Variants in DNAH14 observed in about 807,000 individuals in gnomAD.
The protein encoded by DNAH14 is axonemal beta dynein heavy chain 14.
DNAH14 carries 478 observed loss-of-function variants against 520.9 expected under a neutral mutation model. The ratio of observed to expected loss-of-function variants is 0.92; its 90% CI spans 0.85 to 0.99. DNAH14 has a LOEUF of 0.99. DNAH14 is among the 50% of genes least tolerant of loss of function. The pLI is 0.00. For missense variants in DNAH14, 4,831 were observed against 5,234.5 expected (o/e 0.92, Z 2.38); for synonymous variants, 1,581 against 1,757.2 (o/e 0.90, Z 2.51).
chr1:225,075,010 A>G (rs2072077679), intron 17 of DNAH14, among the ~76,000 whole-genome samples: 1 of 152,192 alleles, frequency 6.6e-6, no homozygotes, highest in Admixed American at 6.5e-5. Context: ...CATTGCAGTT[A>G]CTTTTGCTGG....
chr1:225,124,784 A>G (rs1015337129), intron 27 of DNAH14, among the ~76,000 whole-genome samples: 1 of 150,176 alleles, frequency 6.7e-6, no homozygotes, highest in East Asian at 1.9e-4. Context: ...AGGATGGTGA[A>G]TCCTTTCCAG....
intron 81 of DNAH14, among the ~76,000 whole-genome samples, chr1:225,387,945 G>A (rs935594507): frequency 1.2e-4 from 18 of 152,136 alleles, no homozygotes; most frequent in African/African-American, 2.7e-4. Context: ...AGGGGCAGGG[G>A]CAGGGGCAGC....
In DNAH14 at chr1:225,062,523, G is replaced by A. The variant is rs1425625792; in HGVS notation, c.2424+10728G>A. ...GGATATGGCTGAAATTTTTAGGGCA[G>A]AGTCCTATAAAGAAGGAAGCTATGA... is the stretch of plus-strand genomic sequence containing the variant. On this transcript the variant is annotated intron_variant, in intron 17 of 85. Coordinates refer to ENST00000682510, the MANE Select transcript of DNAH14 (RefSeq NM_001367479.1). Among the ~76,000 whole-genome samples, 4 of 145,976 alleles carry A rather than the reference G, an allele frequency of 2.7e-5. No individual in the cohort carries two copies. The Admixed American group carries it at 2.8e-4, about 10-fold the overall frequency.
At chr1:225,196,948 C>A (rs1014734763) in intron 38 of DNAH14, among the ~76,000 whole-genome samples, 2 of 151,834 alleles carry the variant, frequency 1.3e-5, no homozygotes, top group Non-Finnish European at 2.9e-5. Context: ...GGATATTAGT[C>A]CTTCATCAAA....
At chr1:225,276,211 G>C (rs780548288) in intron 53 of DNAH14, 130 bp downstream of exon 53, 1 of 168,406 alleles carries the variant, frequency 5.9e-6, no homozygotes, top group African/African-American at 2.4e-5. Flanking sequence ...GTGTGAGAGA[G>C]AGCAAGAGAG....
rs1244849776 is a variant in DNAH14, at chr1:225,367,934, T to C, written c.12220T>C (p.Phe4074Leu). ...DCGQWWKKLL[F>L]SLCFFNAVIN... is the part of the protein sequence containing the mutation. ...TGGACAATGGTGGAAAAAACTTTTA[T>C]TTAGCCTATGTTTTTTCAATGCTGT... is the stretch of plus-strand genomic sequence containing the variant. The change falls in exon 77 of 86, where the codon TTT (phenylalanine) becomes CTT (leucine). Residue 4074 changes from phenylalanine to leucine, a missense_variant. Phe to Leu is a conservative substitution (Grantham distance 22). Transcript: ENST00000682510. 1 of 1,551,640 alleles carries C rather than the reference T, an allele frequency of 6.4e-7. No individual in the cohort carries two copies. Among genetic ancestry groups the C allele is most frequent in the South Asian group, 1.2e-5 (1 of 84,056 alleles).
intron 43 of DNAH14, among the ~76,000 whole-genome samples, chr1:225,241,904 G>A (rs1009089302): frequency 1.3e-5 from 2 of 152,118 alleles, no homozygotes; most frequent in Admixed American, 6.6e-5. Context: ...TGTACACTTA[G>A]GCTACACTAA....
Position 225,354,384 on chromosome 1 carries a change from GC to G in DNAH14, c.11619+497del. ...ATTAATAAAAGGATATTTTTGCCCA[GC>G]ACCTCTATTTCTCAATTGTTTCAGA... On this transcript the variant is annotated intron_variant, in intron 73 of 85. Coordinates refer to ENST00000682510, the MANE Select transcript of DNAH14 (RefSeq NM_001367479.1). The G allele has an allele frequency of 4.7e-6, 3 of 639,538 alleles. No individual in the cohort carries two copies. In the South Asian group the frequency reaches 5.1e-5, roughly 11 times the overall value. The allele number at this position is 639,538 out of a possible 1,614,324, so 39.6% of individuals were successfully genotyped here.
At chr1:225,078,797 T>TCCCCCC (rs1558882663) in intron 17 of DNAH14, among the ~76,000 whole-genome samples, 2 of 61,646 alleles carry the variant, frequency 3.2e-5, no homozygotes, top group African/African-American at 8.9e-5. Context: ...TCTCTCTCTC[T>TCCCCCC]CTCTCTCTCT....
intron 69 of DNAH14, among the ~76,000 whole-genome samples, chr1:225,344,397 C>T (rs749454817): frequency 5.9e-5 from 9 of 152,070 alleles, no homozygotes; most frequent in Non-Finnish European, 1.0e-4. Flanking sequence ...ACCCTCTAAT[C>T]GGTTCCTGTA....
intron 37 of DNAH14, 53 bp downstream of exon 37, chr1:225,185,478 C>A: frequency 6.9e-7 from 1 of 1,447,806 alleles, no homozygotes; most frequent in Non-Finnish European, 9.1e-7. Context: ...TCTTATTTTA[C>A]ACTTTAATAT....
chr1:224,937,518 A>G (rs1270333932), intron 1 of DNAH14, among the ~76,000 whole-genome samples: 1 of 152,066 alleles, frequency 6.6e-6, no homozygotes, highest in African/African-American at 2.4e-5. Context: ...GTTCTATACA[A>G]GAAAACTATG....
chr1:224,980,387 T>C (rs964991422), intron 8 of DNAH14, among the ~76,000 whole-genome samples: 2 of 152,014 alleles, frequency 1.3e-5, no homozygotes, highest in Non-Finnish European at 2.9e-5. Flanking sequence ...CCACGGGGAT[T>C]TCCTCTGCCT....
At chr1:224,937,217 G>A (rs2059101125) in intron 1 of DNAH14, among the ~76,000 whole-genome samples, 1 of 151,870 alleles carries the variant, frequency 6.6e-6, no homozygotes, top group African/African-American at 2.4e-5. Context: ...GAGCAACTAA[G>A]CAAGAGAAAG....
chr1:225,354,227 G>T (rs2095405584), intron 73 of DNAH14: 1 of 701,930 alleles, frequency 1.4e-6, no homozygotes, highest in Non-Finnish European at 2.6e-6. Flanking sequence ...AACAGACCTT[G>T]GTCCTGTAGG....
Position 225,061,641 on chromosome 1 carries a change from G to A in DNAH14, c.2424+9846G>A, listed in dbSNP as rs57320908. Among the ~76,000 whole-genome samples the A allele has an allele frequency of 4.7e-3, 722 of 152,202 alleles. 4 individuals carry two copies. The highest frequency in any genetic ancestry group is 0.016 in the African/African-American group (678 of 41,514). ...CTGTAGACTGGAGCTGTTCCTATACGGCCATCTTGGATCCTAGATTATTGT... is the reference window on the plus strand; with the variant it reads ...CTGTAGACTGGAGCTGTTCCTATACAGCCATCTTGGATCCTAGATTATTGT... On this transcript the variant is annotated intron_variant, in intron 17 of 85. Transcript: ENST00000682510.
chr1:225,237,114 G>C (rs1186116081), intron 42 of DNAH14, among the ~76,000 whole-genome samples: 1 of 151,882 alleles, frequency 6.6e-6, no homozygotes, highest in East Asian at 1.9e-4. Flanking sequence ...GTTTCTTGAA[G>C]GCAGCATACC....
chr1:225,023,028 G>A (rs902501817), intron 10 of DNAH14, among the ~76,000 whole-genome samples: 1 of 152,110 alleles, frequency 6.6e-6, no homozygotes, highest in East Asian at 1.9e-4. Flanking sequence ...ATATAAGTGG[G>A]AGATAAACAT....
intron 11 of DNAH14, among the ~76,000 whole-genome samples, chr1:225,037,840 G>A (rs780892928): frequency 2.0e-5 from 3 of 152,014 alleles, no homozygotes; most frequent in African/African-American, 4.8e-5. Flanking sequence ...GTGCCACCAT[G>A]CCTGGCTGAT....
Sources: gnomAD v4.1 joint callset for allele counts (sites outside exome capture counted in the v4.1 genomes callset) on GRCh38, gnomAD v4.1.1 for gene constraint, MANE v1.5 for transcripts, NCBI Gene and HGNC (gene_info 2026-07-23, HGNC 2026-07-21) for gene names.